UNC13C: variants seen among roughly 807,000 people sequenced by gnomAD.
UNC13C encodes the protein unc-13 homolog C.
In UNC13C, 174 loss-of-function variants were observed where a neutral mutation model predicts 245.4. That is an observed-to-expected ratio of 0.71 (90% CI 0.63 to 0.80). UNC13C has a LOEUF of 0.80. Among genes scored for constraint, UNC13C ranks in the 30% least tolerant of loss-of-function variants. The pLI is 0.00. For synonymous variants in UNC13C, 992 were observed against 895.1 expected (o/e 1.11, Z -1.93); for missense variants, 2,829 against 2,602.9 (o/e 1.09, Z -1.89).
chr15:54,315,801 C>T (rs1057164733), intron 13 of UNC13C, among the ~76,000 whole-genome samples: 2 of 151,838 alleles, frequency 1.3e-5, no homozygotes, highest in African/African-American at 2.4e-5. Context: ...CACGTAGTCA[C>T]TCAAACTAGA....
chr15:54,027,207 G>GT (rs1896148631), intron 2 of UNC13C, among the ~76,000 whole-genome samples: 1 of 151,320 alleles, frequency 6.6e-6, no homozygotes, highest in African/African-American at 2.4e-5. Context: ...GGAAAAGCAT[G>GT]TAAGAGAAAT....
intron 1 of UNC13C, among the ~76,000 whole-genome samples, chr15:53,994,172 AT>A (rs1400181976): frequency 6.6e-6 from 1 of 151,882 alleles, no homozygotes; most frequent in Non-Finnish European, 1.5e-5. Flanking sequence ...TACACGTATA[AT>A]TTGGTATCCC....
chr15:54,257,899 G>A (rs12903779), intron 8 of UNC13C, among the ~76,000 whole-genome samples: 57,344 of 151,866 alleles, frequency 0.38, 11,060 homozygotes, highest in Middle Eastern at 0.41. Flanking sequence ...AAATGGGTAG[G>A]GAATGGCAAC....
At chr15:54,601,618 T>G (rs1899431237) in intron 30 of UNC13C, among the ~76,000 whole-genome samples, 1 of 152,214 alleles carries the variant, frequency 6.6e-6, no homozygotes, top group Non-Finnish European at 1.5e-5. Context: ...CAAGTTCTGA[T>G]GATCACAGAG....
intron 30 of UNC13C, 44 bp from the exon 31 acceptor site, chr15:54,622,283 A>C: frequency 7.7e-7 from 1 of 1,293,320 alleles, no homozygotes; most frequent in African/African-American, 1.5e-5. Context: ...TCCATTATTA[A>C]TGAGTCTGAA....
chr15:54,021,627 T>C (rs1047818434), intron 2 of UNC13C, among the ~76,000 whole-genome samples: 4 of 152,214 alleles, frequency 2.6e-5, no homozygotes, highest in African/African-American at 9.6e-5. Flanking sequence ...TTGGCTATTG[T>C]GAATATTGCT....
intron 4 of UNC13C, among the ~76,000 whole-genome samples, chr15:54,160,637 A>C (rs1273863783): frequency 6.6e-6 from 1 of 152,134 alleles, no homozygotes; most frequent in African/African-American, 2.4e-5. Context: ...TCAAAAGTAT[A>C]GCTGTGGAAA....
At chr15:53,840,553 C>T in the UNC13C span, among the ~76,000 whole-genome samples, 3,218 of 152,208 alleles carry the variant, frequency 0.021, 123 homozygotes, top group African/African-American at 0.074. Flanking sequence ...GTATTAAGCA[C>T]CTGAGGTGAA....
chr15:53,950,361 A>C, the UNC13C span, among the ~76,000 whole-genome samples: 2 of 152,132 alleles, frequency 1.3e-5, no homozygotes, highest in Non-Finnish European at 2.9e-5. Context: ...TTTTTCTTAA[A>C]TAAGTTTTTT....
intron 1 of UNC13C, among the ~76,000 whole-genome samples, chr15:53,990,609 T>C (rs1894343207): frequency 2.0e-5 from 3 of 152,030 alleles, no homozygotes; most frequent in Admixed American, 1.3e-4. Context: ...ACCTAAAAAA[T>C]TTCTTTATAC....
At chr15:54,003,020 T>C (rs1018719037) in intron 1 of UNC13C, among the ~76,000 whole-genome samples, 9 of 152,130 alleles carry the variant, frequency 5.9e-5, no homozygotes, top group Admixed American at 4.6e-4. Context: ...TGTGTACAAT[T>C]TGAGGATCAG....
upstream of UNC13C, among the ~76,000 whole-genome samples, chr15:53,976,068 A>G (rs1893684621): frequency 6.6e-6 from 1 of 152,180 alleles, no homozygotes; most frequent in African/African-American, 2.4e-5. Context: ...CAGTAGTGAA[A>G]ACTACTCGTC....
At chr15:54,610,136 T>C (rs1235710807) in intron 30 of UNC13C, among the ~76,000 whole-genome samples, 7 of 152,212 alleles carry the variant, frequency 4.6e-5, no homozygotes, top group Non-Finnish European at 1.0e-4. Context: ...TCTTATCTTA[T>C]ATACAAAAGA....
At chr15:54,220,608 TAAAAA>T (rs71132788) in intron 4 of UNC13C, among the ~76,000 whole-genome samples, 2 of 151,030 alleles carry the variant, frequency 1.3e-5, no homozygotes, top group Non-Finnish European at 3.0e-5. Context: ...ATAATAAAAA[TAAAAA>T]AAATTAAAAA....
chr15:54,283,694 ATGTGTGTATATATATATGTG>A (rs1475624831), intron 10 of UNC13C, among the ~76,000 whole-genome samples: 1 of 121,208 alleles, frequency 8.3e-6, no homozygotes, highest in African/African-American at 3.1e-5. Flanking sequence ...TGTGATATAT[ATGTGTGTATATATATATGTG>A]TGTGTGTGTG....
intron 20 of UNC13C, among the ~76,000 whole-genome samples, chr15:54,497,603 G>T (rs1894014034): frequency 6.6e-6 from 1 of 152,032 alleles, no homozygotes; most frequent in Non-Finnish European, 1.5e-5. Context: ...AAGAGATTGG[G>T]AACTAAGTAG....
At chr15:54,090,405 C>A (rs1899501294) in intron 2 of UNC13C, among the ~76,000 whole-genome samples, 1 of 152,058 alleles carries the variant, frequency 6.6e-6, no homozygotes, top group Admixed American at 6.5e-5. Context: ...CTTTGTAGTA[C>A]AATGAAATAA....
At chr15:54,454,439 G>A (rs568713644) in intron 19 of UNC13C, among the ~76,000 whole-genome samples, 39 of 151,926 alleles carry the variant, frequency 2.6e-4, no homozygotes, top group African/African-American at 6.3e-4. Context: ...TTAGCCGGGC[G>A]TGTTGGCGGG....
intron 4 of UNC13C, among the ~76,000 whole-genome samples, chr15:54,210,800 T>G (rs926754752): frequency 6.6e-6 from 1 of 152,152 alleles, no homozygotes. Flanking sequence ...ATTGGCTTCT[T>G]GTTTGCAATG....
Sources: gnomAD v4.1 joint callset for allele counts (sites outside exome capture counted in the v4.1 genomes callset) on GRCh38, gnomAD v4.1.1 for gene constraint, MANE v1.5 for transcripts, NCBI Gene and HGNC (gene_info 2026-07-23, HGNC 2026-07-21) for gene names.